Variants in COL4A6 observed in about 807,000 individuals in gnomAD.
The protein encoded by COL4A6 is collagen type IV alpha 6 chain, also known as collagen alpha-6(IV) chain.
Under a neutral mutation model 126.7 loss-of-function variants are expected in COL4A6, and 59 were observed. That is an observed-to-expected ratio of 0.47 (90% CI 0.38 to 0.58). COL4A6 has a LOEUF of 0.58. Ranked by LOEUF, COL4A6 falls within the 20% of genes least tolerant of loss-of-function variation. The probability of loss-of-function intolerance (pLI) is 0.00; values close to 1 mark genes in which losing one functional copy is unlikely to be tolerated. For missense variants in COL4A6, 1,285 were observed against 1,337.3 expected (o/e 0.96, Z 0.61); for synonymous variants, 547 against 496.6 (o/e 1.10, Z -1.35).
Position 108,175,230 on chromosome X carries a change from A to G in COL4A6, c.2831-15T>C. On this transcript the variant is annotated splice_polypyrimidine_tract_variant and intron_variant, in intron 29 of 44. Coordinates refer to ENST00000334504, the MANE Select transcript of COL4A6 (RefSeq NM_033641.4). Reference sequence around the variant, plus strand: ...GCCTCTGTCTCCTGCAGGGATGGAGATCAGCATGAGAAAGAGAGCTTAGAC... The same window carrying G: ...GCCTCTGTCTCCTGCAGGGATGGAGGTCAGCATGAGAAAGAGAGCTTAGAC... 8.6e-7 allele frequency: 1 copy of G among 1,161,785 alleles called. No individual in the cohort carries two copies. The highest frequency in any genetic ancestry group is 1.1e-6 in the Non-Finnish European group (1 of 873,015).
intron 2 of COL4A6, among the ~76,000 whole-genome samples, chrX:108,360,623 G>C (rs1218017502): frequency 2.0e-5 from 2 of 101,812 alleles, no homozygotes; most frequent in Admixed American, 1.1e-4. Flanking sequence ...TGCAACCTCC[G>C]CCTCCCGGGC....
chrX:108,164,365 G>C (rs1287843778), intron 40 of COL4A6, among the ~76,000 whole-genome samples: 2 of 111,791 alleles, frequency 1.8e-5, no homozygotes, highest in Non-Finnish European at 3.8e-5. Context: ...TTAACACAGA[G>C]AGGCAGTCAG....
intron 2 of COL4A6, among the ~76,000 whole-genome samples, chrX:108,395,466 A>C (rs2040944350): frequency 8.9e-6 from 1 of 112,259 alleles, no homozygotes; most frequent in Non-Finnish European, 1.9e-5. Flanking sequence ...AAAGAACTAT[A>C]AGCAAAAATT....
rs1435740402 is a variant in COL4A6, at chrX:108,156,887, T to C, written c.*113A>G. 6.2e-6 allele frequency: 5 copies of C among 807,877 alleles called. No individual in the cohort carries two copies. In the East Asian group the frequency reaches 1.3e-4, roughly 20 times the overall value. 66.6% of individuals were successfully genotyped at this position (807,877 alleles called of 1,213,427 possible). On this transcript the variant is annotated 3_prime_UTR_variant, in exon 45 of 45. Coordinates refer to ENST00000334504, the MANE Select transcript of COL4A6 (RefSeq NM_033641.4). ...GTCTAGCCCAAATGAGACTCCAATG[T>C]ACAACTTGACAGGCAAAGGGGCTCA...
At chrX:108,363,870 C>G (rs2040140292) in intron 2 of COL4A6, among the ~76,000 whole-genome samples, 1 of 110,700 alleles carries the variant, frequency 9.0e-6, no homozygotes, top group African/African-American at 3.3e-5. Context: ...CACAGTAGCC[C>G]CCCACCTTTT....
intron 23 of COL4A6, chrX:108,183,699 T>C: frequency 1.1e-6 from 1 of 922,433 alleles, no homozygotes; most frequent in Non-Finnish European, 1.3e-6. Context: ...GTCTGAGAGC[T>C]TGTAGACCTA....
intron 9 of COL4A6, 61 bp from the exon 10 acceptor site, chrX:108,205,756 C>T: frequency 8.9e-6 from 9 of 1,015,835 alleles, no homozygotes; most frequent in South Asian, 8.2e-5. Flanking sequence ...AAAAAGAACA[C>T]GGCATGTTGA....
At chrX:108,241,793 A>C (rs2036579802) in intron 3 of COL4A6, among the ~76,000 whole-genome samples, 1 of 109,141 alleles carries the variant, frequency 9.2e-6, no homozygotes, top group Non-Finnish European at 1.9e-5. Context: ...CATTTTCTTA[A>C]AAAAACTTTC....
At chrX:108,255,640 C>T (rs1028612750) in intron 3 of COL4A6, among the ~76,000 whole-genome samples, 4 of 110,158 alleles carry the variant, frequency 3.6e-5, no homozygotes, top group African/African-American at 1.3e-4. Flanking sequence ...ACTGGTTCTG[C>T]CAACCTCACC....
At chrX:108,232,588 T>G (rs2148295925) in intron 3 of COL4A6, among the ~76,000 whole-genome samples, 1 of 112,164 alleles carries the variant, frequency 8.9e-6, no homozygotes, top group East Asian at 2.8e-4. Context: ...ATTTGAAAAT[T>G]TTCTAGCAAA....
chrX:108,352,716 G>A lies in COL4A6; in HGVS notation c.64-41888C>T, dbSNP rs1291528145. Among the ~76,000 whole-genome samples, 9 of 112,139 alleles carry A rather than the reference G, an allele frequency of 8.0e-5. No homozygotes were observed. In the East Asian group the frequency reaches 2.5e-3, roughly 31 times the overall value. ...CATTTTAGAGAAGACTGCAAAATAG[G>A]TCTGAATTTTTAAGATAAGGCATGA... is the stretch of plus-strand genomic sequence containing the variant. On this transcript the variant is annotated intron_variant, in intron 2 of 44. Coordinates refer to ENST00000334504, the MANE Select transcript of COL4A6 (RefSeq NM_033641.4).
At chrX:108,320,667 C>A (rs182626783) in intron 2 of COL4A6, among the ~76,000 whole-genome samples, 1 of 111,923 alleles carries the variant, frequency 8.9e-6, no homozygotes, top group East Asian at 2.8e-4. Context: ...TAATACTCTG[C>A]ACAGTGCAAA....
At chrX:108,225,303 T>C (rs899543851) in intron 3 of COL4A6, among the ~76,000 whole-genome samples, 5 of 112,398 alleles carry the variant, frequency 4.4e-5, no homozygotes, top group Non-Finnish European at 9.4e-5. Flanking sequence ...ACCCTGATCA[T>C]TTCACAGAAC....
At chrX:108,239,132 C>T (rs2036511900) in intron 3 of COL4A6, among the ~76,000 whole-genome samples, 2 of 112,208 alleles carry the variant, frequency 1.8e-5, no homozygotes, top group African/African-American at 6.5e-5. Flanking sequence ...TTGCAAATAC[C>T]TTCTCCCAGT....
At chrX:108,183,888 A>C (rs1306405033) in intron 23 of COL4A6, 5 of 348,047 alleles carry the variant, frequency 1.4e-5, no homozygotes, top group Admixed American at 6.3e-5. Context: ...GTCTGAACTT[A>C]GTGGAGAGCA....
chrX:108,176,827 ATCACT>A lies in COL4A6; in HGVS notation c.2686+9_2686+13del. The A allele has an allele frequency of 8.4e-7, 1 of 1,196,898 alleles. No individual in the cohort carries two copies. The highest frequency in any genetic ancestry group is 1.1e-6 in the Non-Finnish European group (1 of 890,142). Reference sequence around the variant, plus strand: ...TTGGCAACCACTGGTCACTTCACTGATCACTTCACTTACCCTTGGGTCCAGAGAGG... The same window carrying A: ...TTGGCAACCACTGGTCACTTCACTGATCACTTACCCTTGGGTCCAGAGAGG... On this transcript the variant is annotated intron_variant, in intron 28 of 44. Coordinates refer to ENST00000334504, the MANE Select transcript of COL4A6 (RefSeq NM_033641.4).
chrX:108,187,325 T>C, intron 22 of COL4A6, 46 bp from the exon 23 acceptor site: 1 of 1,022,982 alleles, frequency 9.8e-7, no homozygotes. Context: ...CTCAGAGATT[T>C]ATCTGGACAG....
In COL4A6 at chrX:108,417,867, T is replaced by C. The variant is rs1275667987; in HGVS notation, c.63+20075A>G. The stretch of plus-strand genomic sequence containing the variant: ...GAACTCTAAGGAACTCTAGAATGGA[T>C]TCATGAACCTATTTGAGAAACACTG... On this transcript the variant is annotated intron_variant, in intron 2 of 44. Transcript: ENST00000334504. Among the ~76,000 whole-genome samples, 7 of 111,817 alleles carry C rather than the reference T, an allele frequency of 6.3e-5. No individual in the cohort carries two copies. The Admixed American group carries it at 6.7e-4, about 11-fold the overall frequency.
chrX:108,380,893 T>C (rs1569449931), intron 2 of COL4A6, among the ~76,000 whole-genome samples: 1 of 111,859 alleles, frequency 8.9e-6, no homozygotes, highest in Non-Finnish European at 1.9e-5. Context: ...CATAGGGTTG[T>C]TGAAAGGATT....
Sources: gnomAD v4.1 joint callset for allele counts (sites outside exome capture counted in the v4.1 genomes callset) on GRCh38, gnomAD v4.1.1 for gene constraint, MANE v1.5 for transcripts, NCBI Gene and HGNC (gene_info 2026-07-23, HGNC 2026-07-21) for gene names.